LOC128462377: variants seen among roughly 807,000 people sequenced by gnomAD.
At chr16:89,397,291 C>T in the LOC128462377 span, among the ~76,000 whole-genome samples, 1 of 152,244 alleles carries the variant, frequency 6.6e-6, no homozygotes, top group Non-Finnish European at 1.5e-5. Flanking sequence ...CAAGAACCCC[C>T]TCAGGGCAAG....
the LOC128462377 span, among the ~76,000 whole-genome samples, chr16:89,356,531 GGAGGCC>G: frequency 6.6e-6 from 1 of 151,798 alleles, no homozygotes; most frequent in African/African-American, 2.4e-5. Flanking sequence ...CAGCTCTTTG[GGAGGCC>G]GAGGCGGGCG....
At chr16:89,377,024 C>T in the LOC128462377 span, among the ~76,000 whole-genome samples, 4 of 152,166 alleles carry the variant, frequency 2.6e-5, no homozygotes, top group African/African-American at 9.7e-5. Context: ...GGACTGCTTC[C>T]ATTGATGCTT....
the LOC128462377 span, among the ~76,000 whole-genome samples, chr16:89,327,212 G>A: frequency 1.3e-5 from 2 of 152,166 alleles, no homozygotes; most frequent in Non-Finnish European, 2.9e-5. Flanking sequence ...ACAAGCTAAA[G>A]AAGAAACACC....
chr16:89,340,315 T>C, the LOC128462377 span, among the ~76,000 whole-genome samples: 1 of 152,286 alleles, frequency 6.6e-6, no homozygotes, highest in South Asian at 2.1e-4. Context: ...TCTCGCTCTG[T>C]CGCCCAGGCT....
At chr16:89,405,150 C>T in the LOC128462377 span, among the ~76,000 whole-genome samples, 11 of 152,130 alleles carry the variant, frequency 7.2e-5, no homozygotes, top group South Asian at 1.9e-3. Context: ...GTGGAGATCA[C>T]GCCATTGCAC....
At chr16:89,324,218 C>T in the LOC128462377 span, 1 of 1,195,216 alleles carries the variant, frequency 8.4e-7, no homozygotes, top group Non-Finnish European at 1.1e-6. Flanking sequence ...CATTACTGGC[C>T]TCTGCTTTGC....
chr16:89,385,624 G>A, the LOC128462377 span, among the ~76,000 whole-genome samples: 1 of 152,178 alleles, frequency 6.6e-6, no homozygotes, highest in African/African-American at 2.4e-5. Context: ...ACACACTCAC[G>A]ATGATGCATT....
At chr16:89,380,961 C>G in the LOC128462377 span, among the ~76,000 whole-genome samples, 1 of 152,258 alleles carries the variant, frequency 6.6e-6, no homozygotes, top group Admixed American at 6.5e-5. Context: ...GCCCACTCTG[C>G]TGGGCAAGGT....
the LOC128462377 span, among the ~76,000 whole-genome samples, chr16:89,321,625 C>G: frequency 1.3e-5 from 2 of 152,034 alleles, no homozygotes; most frequent in Non-Finnish European, 2.9e-5. Flanking sequence ...TAAGCATGTT[C>G]TGTTCTGCAC....
At chr16:89,373,650 C>T in the LOC128462377 span, among the ~76,000 whole-genome samples, 10 of 152,170 alleles carry the variant, frequency 6.6e-5, no homozygotes, top group South Asian at 2.1e-4. Context: ...CTTTACTTCA[C>T]GAAATGAAAA....
the LOC128462377 span, among the ~76,000 whole-genome samples, chr16:89,413,082 G>A: frequency 4.3e-4 from 65 of 152,312 alleles, no homozygotes; most frequent in African/African-American, 1.5e-3. Context: ...GGGAGTAGGA[G>A]GGGGCGCCGC....
the LOC128462377 span, among the ~76,000 whole-genome samples, chr16:89,414,126 C>T: frequency 1.3e-5 from 2 of 152,222 alleles, no homozygotes; most frequent in Non-Finnish European, 2.9e-5. Flanking sequence ...ACGATCGCAC[C>T]TGCCTTACAA....
chr16:89,346,891 A>G, the LOC128462377 span, among the ~76,000 whole-genome samples: 1 of 152,252 alleles, frequency 6.6e-6, no homozygotes. Context: ...GACTAAACAA[A>G]GTCAAAGGTG....
chr16:89,412,808 A>C, the LOC128462377 span, among the ~76,000 whole-genome samples: 3 of 152,214 alleles, frequency 2.0e-5, no homozygotes, highest in African/African-American at 7.2e-5. Context: ...GAAATACAGT[A>C]ACCGCAATAT....
At chr16:89,389,242 C>G in the LOC128462377 span, among the ~76,000 whole-genome samples, 5 of 151,732 alleles carry the variant, frequency 3.3e-5, no homozygotes, top group African/African-American at 1.2e-4. Flanking sequence ...CCAGTCTGGT[C>G]TCAAACTCCT....
At chr16:89,416,914 T>C in the LOC128462377 span, among the ~76,000 whole-genome samples, 1 of 152,138 alleles carries the variant, frequency 6.6e-6, no homozygotes, top group Non-Finnish European at 1.5e-5. Context: ...CCTTTTCCCA[T>C]GTACCTGGCC....
chr16:89,346,076 C>T, the LOC128462377 span, among the ~76,000 whole-genome samples: 3,147 of 151,308 alleles, frequency 0.021, 89 homozygotes, highest in African/African-American at 0.072. Context: ...ACCCTGTCTC[C>T]ACTAACAACA....
the LOC128462377 span, among the ~76,000 whole-genome samples, chr16:89,337,704 T>C: frequency 1.3e-5 from 2 of 152,100 alleles, no homozygotes; most frequent in Non-Finnish European, 2.9e-5. Flanking sequence ...CCTCCCAAAG[T>C]GCTGGGATTA....
At chr16:89,337,644 G>A in the LOC128462377 span, among the ~76,000 whole-genome samples, 23 of 151,874 alleles carry the variant, frequency 1.5e-4, no homozygotes, top group Non-Finnish European at 2.2e-4. Flanking sequence ...GTTTCACCGT[G>A]TTAGCCAGGA....
Sources: allele counts gnomAD v4.1 joint callset (sites outside exome capture counted in the v4.1 genomes callset), GRCh38; gene constraint gnomAD v4.1.1; transcripts MANE v1.5.